FBXW11: variants seen among roughly 807,000 people sequenced by gnomAD.
FBXW11 encodes the protein F-box and WD repeat domain containing 11, also known as F-box/WD repeat-containing protein 11.
Under a neutral mutation model 77.6 loss-of-function variants are expected in FBXW11, and 19 were observed. The ratio of observed to expected loss-of-function variants is 0.24; its 90% CI spans 0.17 to 0.36. The LOEUF (loss-of-function observed/expected upper bound fraction) is 0.36, where lower values mean the gene tolerates loss of function less well. Among genes scored for constraint, FBXW11 ranks in the 10% least tolerant of loss-of-function variants. The probability of loss-of-function intolerance (pLI) is 1.00; values close to 1 mark genes in which losing one functional copy is unlikely to be tolerated. For missense variants in FBXW11, 334 were observed against 704.2 expected (o/e 0.47, Z 5.95); for synonymous variants, 235 against 249.4 (o/e 0.94, Z 0.54).
At chr5:171,939,844 C>T (rs1762659702) in intron 2 of FBXW11, among the ~76,000 whole-genome samples, 1 of 152,002 alleles carries the variant, frequency 6.6e-6, no homozygotes, top group African/African-American at 2.4e-5. Flanking sequence ...TCAGGATACA[C>T]ACACTCTTCC....
At chr5:171,999,971 G>A (rs1375116877) in intron 1 of FBXW11, among the ~76,000 whole-genome samples, 1 of 152,076 alleles carries the variant, frequency 6.6e-6, no homozygotes, top group African/African-American at 2.4e-5. Flanking sequence ...CCATCTTTTA[G>A]TTTCATTAAA....
chr5:171,896,613 T>C (rs1394126284), intron 6 of FBXW11, among the ~76,000 whole-genome samples: 1 of 152,222 alleles, frequency 6.6e-6, no homozygotes, highest in Non-Finnish European at 1.5e-5. Flanking sequence ...TCAGCCTGGA[T>C]AGAGCTAGAC....
intron 1 of FBXW11, among the ~76,000 whole-genome samples, chr5:171,982,371 G>A (rs543698834): frequency 6.4e-5 from 6 of 93,152 alleles, no homozygotes; most frequent in African/African-American, 1.5e-4. Context: ...CTGGCTTCAA[G>A]CAATTCTCCT....
intron 6 of FBXW11, among the ~76,000 whole-genome samples, chr5:171,894,846 G>T (rs992986565): frequency 6.6e-6 from 1 of 151,970 alleles, no homozygotes; most frequent in African/African-American, 2.4e-5. Flanking sequence ...CCACTGTAAG[G>T]TTCAAATGAG....
At chr5:171,882,800 TTA>T (rs1468207815) in intron 7 of FBXW11, among the ~76,000 whole-genome samples, 1 of 152,156 alleles carries the variant, frequency 6.6e-6, no homozygotes, top group Non-Finnish European at 1.5e-5. Flanking sequence ...TTTTATTTTT[TTA>T]TTTTTCCATA....
chr5:171,974,943 C>T (rs1178669466), intron 1 of FBXW11, among the ~76,000 whole-genome samples: 6 of 152,124 alleles, frequency 3.9e-5, no homozygotes, highest in African/African-American at 9.7e-5. Flanking sequence ...TACAGGCACG[C>T]GCCACCACGC....
At chr5:171,988,494 T>C (rs1297698055) in intron 1 of FBXW11, among the ~76,000 whole-genome samples, 1 of 151,674 alleles carries the variant, frequency 6.6e-6, no homozygotes, top group African/African-American at 2.4e-5. Flanking sequence ...TCCAGGAGAG[T>C]ATGGTGATAT....
At chr5:171,946,540 G>A (rs1292530058) in intron 2 of FBXW11, among the ~76,000 whole-genome samples, 2 of 152,110 alleles carry the variant, frequency 1.3e-5, no homozygotes, top group African/African-American at 4.8e-5. Flanking sequence ...CCACATTCCA[G>A]CCAGACATTA....
chr5:171,957,784 G>T, intron 1 of FBXW11, 86 bp from the exon 2 acceptor site: 1 of 1,141,226 alleles, frequency 8.8e-7, no homozygotes, highest in Non-Finnish European at 1.3e-6. Context: ...TTGAATGTTA[G>T]TTGGGGCAGG....
At chr5:171,929,947 G>A (rs775348247) in intron 2 of FBXW11, among the ~76,000 whole-genome samples, 9 of 152,114 alleles carry the variant, frequency 5.9e-5, no homozygotes, top group African/African-American at 1.7e-4. Context: ...ATGAAGCTAC[G>A]TAAAGCTCAA....
chr5:171,936,521 A>C (rs1343774506), intron 2 of FBXW11, among the ~76,000 whole-genome samples: 1 of 151,672 alleles, frequency 6.6e-6, no homozygotes, highest in Non-Finnish European at 1.5e-5. Flanking sequence ...AAAAACAGGA[A>C]ATAGAGGCAT....
intron 7 of FBXW11, 96 bp downstream of exon 7, chr5:171,891,371 A>G (rs1759334523): frequency 8.0e-7 from 1 of 1,243,666 alleles, no homozygotes; most frequent in Non-Finnish European, 1.1e-6. Flanking sequence ...GGAAGAGATA[A>G]AAACCAATCT....
chr5:171,976,843 T>TA, intron 1 of FBXW11, among the ~76,000 whole-genome samples: 1 of 152,048 alleles, frequency 6.6e-6, no homozygotes, highest in Non-Finnish European at 1.5e-5. Context: ...GGTCAGGAAT[T>TA]TGAGACTAGC....
chr5:171,927,857 G>A (rs904340185), intron 2 of FBXW11, among the ~76,000 whole-genome samples: 2 of 152,172 alleles, frequency 1.3e-5, no homozygotes, highest in African/African-American at 4.8e-5. Flanking sequence ...AGATCCAAAA[G>A]GATGGCTGAA....
intron 7 of FBXW11, among the ~76,000 whole-genome samples, chr5:171,890,483 G>A (rs927300378): frequency 2.6e-4 from 20 of 77,470 alleles, no homozygotes; most frequent in Non-Finnish European, 3.4e-4. Flanking sequence ...GAGAGACTCC[G>A]TCTCAAAAAA....
At chr5:171,875,359 GC>G (rs1446320306) in intron 9 of FBXW11, among the ~76,000 whole-genome samples, 12 of 152,166 alleles carry the variant, frequency 7.9e-5, no homozygotes, top group Non-Finnish European at 8.8e-5. Context: ...GAAATAAAAG[GC>G]CACATAAGGT....
intron 2 of FBXW11, among the ~76,000 whole-genome samples, chr5:171,945,232 T>C (rs746881648): frequency 7.9e-5 from 12 of 152,258 alleles, no homozygotes; most frequent in Non-Finnish European, 8.8e-5. Flanking sequence ...GAAGAGGAGA[T>C]ATCTGATCAT....
In FBXW11 at chr5:171,967,881, TATACACACACACAC is replaced by T. The variant is rs1413222368; in HGVS notation, c.46-10197_46-10184del. Among the ~76,000 whole-genome samples the T allele has an allele frequency of 4.1e-3, 263 of 64,904 alleles. 2 individuals carry two copies. The highest frequency in any genetic ancestry group is 0.016 in the African/African-American group (251 of 15,576). The allele number at this position is 64,904 out of a possible 152,430, so 42.6% of individuals were successfully genotyped here. On this transcript the variant is annotated intron_variant, in intron 1 of 13. Coordinates refer to ENST00000517395, the MANE Select transcript of FBXW11 (RefSeq NM_001378974.1). ...ATATATATATATATATATATATATA[TATACACACACACAC>T]ACACACACACACACACACACACACA...
chr5:171,923,167 G>A (rs1230536179), intron 2 of FBXW11, among the ~76,000 whole-genome samples: 1 of 152,170 alleles, frequency 6.6e-6, no homozygotes, highest in Non-Finnish European at 1.5e-5. Flanking sequence ...GCCCGCCTCA[G>A]CCTCCCAAAG....
Sources: gnomAD v4.1 joint callset for allele counts (sites outside exome capture counted in the v4.1 genomes callset) on GRCh38, gnomAD v4.1.1 for gene constraint, MANE v1.5 for transcripts, NCBI Gene and HGNC (gene_info 2026-07-23, HGNC 2026-07-21) for gene names.